The following SENP6 variants were observed in gnomAD, a reference collection of about 807,000 sequenced individuals.
SENP6 encodes the protein SUMO specific peptidase 6.
SENP6 carries 41 observed loss-of-function variants against 134.5 expected under a neutral mutation model. That is an observed-to-expected ratio of 0.30 (90% CI 0.24 to 0.40). The LOEUF (loss-of-function observed/expected upper bound fraction) is 0.40, where lower values mean the gene tolerates loss of function less well. SENP6 is among the 10% of genes least tolerant of loss of function. The probability of loss-of-function intolerance (pLI) is 1.00; values close to 1 mark genes in which losing one functional copy is unlikely to be tolerated. For missense variants in SENP6, 1,248 were observed against 1,312.5 expected (o/e 0.95, Z 0.76); for synonymous variants, 395 against 429.8 (o/e 0.92, Z 1.00).
intron 16 of SENP6, among the ~76,000 whole-genome samples, chr6:75,689,421 A>AC (rs973444874): frequency 5.3e-5 from 8 of 151,880 alleles, no homozygotes; most frequent in South Asian, 4.2e-4. Context: ...TAAAACAAAA[A>AC]CAAAAAAAAA....
At chr6:75,649,296 CAG>C (rs1770690146) in intron 7 of SENP6, among the ~76,000 whole-genome samples, 1 of 151,876 alleles carries the variant, frequency 6.6e-6, no homozygotes, top group Admixed American at 6.6e-5. Flanking sequence ...GCCTGGGTGA[CAG>C]AGTGAGACTT....
At chr6:75,630,557 G>A (rs1360892962) in intron 3 of SENP6, among the ~76,000 whole-genome samples, 1 of 152,002 alleles carries the variant, frequency 6.6e-6, no homozygotes, top group Non-Finnish European at 1.5e-5. Context: ...CTTTTCTCAG[G>A]TCCATATGGA....
In SENP6 at chr6:75,707,355, CTTTTT is replaced by C. The variant is rs10564996; in HGVS notation, c.2717-2150_2717-2146del. 3.9e-3 allele frequency among the ~76,000 whole-genome samples: 288 copies of C among 74,684 alleles called. 2 individuals carry two copies. Among genetic ancestry groups the C allele is most frequent in the African/African-American group, 0.01 (197 of 19,166 alleles). 49.0% of individuals were successfully genotyped at this position (74,684 alleles called of 152,430 possible). A position where few individuals can be genotyped will look rare whatever the true frequency, so the allele number is the denominator to read the frequency against. Reference sequence around the variant, plus strand: ...CATTATTTTTTTCTTTCTTCTTCTTCTTTTTTTTTTTTTTTTTTTTTTTTTTGAGA... The same window carrying C: ...CATTATTTTTTTCTTTCTTCTTCTTCTTTTTTTTTTTTTTTTTTTTTGAGA... On this transcript the variant is annotated intron_variant, in intron 19 of 23. Transcript: ENST00000447266.
chr6:75,695,503 G>C (rs935793304), intron 16 of SENP6, among the ~76,000 whole-genome samples: 2 of 152,216 alleles, frequency 1.3e-5, no homozygotes, highest in African/African-American at 2.4e-5. Context: ...TTGGGAGGCT[G>C]AGGCGGGCGG....
chr6:75,710,614 T>A (rs2149906845), intron 20 of SENP6, among the ~76,000 whole-genome samples: 1 of 152,318 alleles, frequency 6.6e-6, no homozygotes, highest in South Asian at 2.1e-4. Flanking sequence ...GGAATTACAT[T>A]CATGATTTAT....
At chr6:75,678,767 A>T (rs370962421) in intron 15 of SENP6, 44 bp from the exon 16 acceptor site, 2 of 1,363,622 alleles carry the variant, frequency 1.5e-6, no homozygotes, top group African/African-American at 2.9e-5. Flanking sequence ...TTGTGTATAT[A>T]TATATAGATT....
rs755371941 is a variant in SENP6 at position 75,678,872 on chromosome 6, C to T, written c.2020C>T (p.His674Tyr). ...GGISVTNEDL[H>Y]CLNEGEFLND... ...CATCTCTGTTACCAATGAGGACCTG[C>T]ACTGTCTAAATGAAGGAGAATTTTT... Residue 674 changes from histidine to tyrosine, a missense_variant, in exon 16 of 24, where the codon CAC becomes TAC. This residue lies in a region of SENP6 where 129 missense variants were observed against 192.0 expected (regional missense o/e 0.67). Coordinates refer to ENST00000447266, the MANE Select transcript of SENP6 (RefSeq NM_015571.4). The T allele has an allele frequency of 6.8e-6, 11 of 1,606,234 alleles. No homozygotes were observed. Among genetic ancestry groups the T allele is most frequent in the Non-Finnish European group, 8.5e-6 (10 of 1,174,328 alleles).
intron 3 of SENP6, among the ~76,000 whole-genome samples, chr6:75,625,122 T>TC (rs1469351494): frequency 1.3e-5 from 2 of 148,528 alleles, no homozygotes; most frequent in East Asian, 3.9e-4. Flanking sequence ...CTTTTTTTTT[T>TC]TTTTTTTTTC....
intron 1 of SENP6, among the ~76,000 whole-genome samples, chr6:75,613,324 A>G (rs956696429): frequency 6.6e-6 from 1 of 152,130 alleles, no homozygotes; most frequent in African/African-American, 2.4e-5. Flanking sequence ...AGCAATACCT[A>G]TTTGCATTAT....
intron 1 of SENP6, among the ~76,000 whole-genome samples, chr6:75,603,487 TA>T (rs1766795885): frequency 6.6e-6 from 1 of 152,210 alleles, no homozygotes; most frequent in African/African-American, 2.4e-5. Flanking sequence ...TTCTTCTTGT[TA>T]AAAAGAATTA....
intron 16 of SENP6, among the ~76,000 whole-genome samples, chr6:75,684,641 A>G (rs1033018867): frequency 3.3e-5 from 5 of 152,198 alleles, no homozygotes; most frequent in Non-Finnish European, 7.3e-5. Context: ...CCTTTTCTGC[A>G]TCTATTGAGA....
At chr6:75,676,866 T>C in intron 13 of SENP6, 164 bp from the exon 14 acceptor site, 1 of 543,346 alleles carries the variant, frequency 1.8e-6, no homozygotes, top group Non-Finnish European at 3.2e-6. Flanking sequence ...CATACTGGTC[T>C]TTCCAGTGAT....
rs149047600 is a variant in SENP6, at chr6:75,655,690, C to T, written c.551-3572C>T. ...GTATAACAAGTTATTTATCGATTTT[C>T]CTGATAATCGATAATATAAATAATC... On this transcript the variant is annotated intron_variant, in intron 7 of 23. Coordinates refer to ENST00000447266, the MANE Select transcript of SENP6 (RefSeq NM_015571.4). Among the ~76,000 whole-genome samples the T allele has an allele frequency of 4.7e-4, 72 of 152,184 alleles. 1 individual carries two copies. In the East Asian group the frequency reaches 0.012, roughly 25 times the overall value.
chr6:75,670,207 A>G (rs1455343077), intron 10 of SENP6, among the ~76,000 whole-genome samples: 1 of 152,192 alleles, frequency 6.6e-6, no homozygotes, highest in East Asian at 1.9e-4. Flanking sequence ...TCGGCCTCCC[A>G]AAGTGCTGGG....
chr6:75,646,148 T>C (rs962287030), intron 6 of SENP6, among the ~76,000 whole-genome samples: 1 of 152,230 alleles, frequency 6.6e-6, no homozygotes. Flanking sequence ...AGTGTGAAAG[T>C]GTATGGAATT....
At chr6:75,687,139 A>G (rs1773899635) in intron 16 of SENP6, among the ~76,000 whole-genome samples, 2 of 151,726 alleles carry the variant, frequency 1.3e-5, no homozygotes. Context: ...ACTTTATTTC[A>G]TTAATTTGAC....
At chr6:75,658,974 C>CAAAAA (rs35016433) in intron 7 of SENP6, among the ~76,000 whole-genome samples, 1 of 71,978 alleles carries the variant, frequency 1.4e-5, no homozygotes. Context: ...CTTGTCTCCC[C>CAAAAA]AAAAAAAAAA....
intron 6 of SENP6, among the ~76,000 whole-genome samples, chr6:75,645,764 A>G (rs1770385953): frequency 6.6e-6 from 1 of 150,404 alleles, no homozygotes; most frequent in South Asian, 2.1e-4. Context: ...TGTATTTAAG[A>G]TACTCTGTTT....
intron 16 of SENP6, among the ~76,000 whole-genome samples, chr6:75,693,710 G>A (rs144933671): frequency 1.0e-3 from 156 of 152,226 alleles, no homozygotes; most frequent in Non-Finnish European, 1.9e-3. Context: ...AAAAGTAACA[G>A]ATCTCAAGAA....
Sources: allele counts gnomAD v4.1 joint callset (sites outside exome capture counted in the v4.1 genomes callset), GRCh38; gene constraint gnomAD v4.1.1; regional missense constraint gnomAD v4.1.1; transcripts MANE v1.5; gene names NCBI Gene and HGNC (gene_info 2026-07-23, HGNC 2026-07-21).